The following TBC1D28 variants were observed in gnomAD, a reference collection of about 807,000 sequenced individuals.
The protein encoded by TBC1D28 is TBC1 domain family member 28.
TBC1D28 carries 20 observed loss-of-function variants against 29.2 expected under a neutral mutation model. The ratio of observed to expected loss-of-function variants is 0.68; its 90% CI spans 0.48 to 0.99. The LOEUF is 0.99. Ranked by LOEUF, TBC1D28 falls within the 50% of genes least tolerant of loss-of-function variation. The pLI is 0.00. For missense variants in TBC1D28, 205 were observed against 243.7 expected, an observed-to-expected ratio of 0.84 and a Z score of 1.06; for synonymous variants, 65 against 90.9, an observed-to-expected ratio of 0.71 and a Z score of 1.62.
At chr17:18,635,630 G>C (rs1444438508) in exon 9 of TBC1D28, 1 of 1,023,308 alleles carries the variant, frequency 9.8e-7, no homozygotes, top group Non-Finnish European at 1.2e-6. Context: ...AAGGCCTGAA[G>C]AAGACCATCT....
rs532950821 is a variant in TBC1D28 at position 18,638,757 on chromosome 17, C to T, written c.199-56G>A. 1.5e-4 allele frequency: 246 copies of T among 1,612,708 alleles called. No individual in the cohort carries two copies. The African/African-American group carries it at 2.6e-3, about 17-fold the overall frequency. The stretch of plus-strand genomic sequence containing the variant: ...AGCTGTCAGTCGTCTGACAGTGGCC[C>T]GTGGATGCTGGGTCCAGGGCTTTGG... On this transcript the variant is annotated intron_variant, in intron 5 of 8. Coordinates refer to ENST00000345096, the Ensembl canonical transcript of TBC1D28.
chr17:18,638,434 A>G lies in TBC1D28; in HGVS notation c.280-14T>C. Reference sequence around the variant, plus strand: ...TCTTTGAGACAGCTACAGACAGAAGAACACTCCAGTGAGAAAGGACATGGG... The same window carrying G: ...TCTTTGAGACAGCTACAGACAGAAGGACACTCCAGTGAGAAAGGACATGGG... On this transcript the variant is annotated splice_polypyrimidine_tract_variant and intron_variant, in intron 6 of 8. Transcript: ENST00000345096. 1 of 1,614,044 alleles carries G rather than the reference A, an allele frequency of 6.2e-7. No individual in the cohort carries two copies. The highest frequency in any genetic ancestry group is 8.5e-7 in the Non-Finnish European group (1 of 1,179,922).
downstream of TBC1D28, among the ~76,000 whole-genome samples, chr17:18,634,716 A>G (rs1322275951): frequency 2.6e-5 from 4 of 152,282 alleles, no homozygotes; most frequent in African/African-American, 9.6e-5. Context: ...AACAGCCCAG[A>G]GAGAAAGCAG....
At chr17:18,637,713 G>C in intron 8 of TBC1D28, 151 bp downstream of exon 9, 1 of 1,333,688 alleles carries the variant, frequency 7.5e-7, no homozygotes, top group Non-Finnish European at 1.0e-6. Context: ...GAGGTGCTCA[G>C]TCCATGGTGC....
chr17:18,640,461 G>A (rs1399752617), intron 4 of TBC1D28, among the ~76,000 whole-genome samples: 2 of 151,202 alleles, frequency 1.3e-5, no homozygotes, highest in Admixed American at 6.6e-5. Context: ...CACCACTCCC[G>A]GGGCCTTCAG....
At chr17:18,634,781 G>A (rs1356634435), downstream of TBC1D28, among the ~76,000 whole-genome samples, 1 of 152,172 alleles carries the variant, frequency 6.6e-6, no homozygotes, top group Non-Finnish European at 1.5e-5. Flanking sequence ...GGACCGGCCA[G>A]GCTGCCCGCC....
Position 18,638,154 on chromosome 17 carries a change from C to T in TBC1D28, c.387+159G>A, listed in dbSNP as rs2031589304. The T allele has an allele frequency of 5.4e-6, 7 of 1,296,464 alleles. No individual in the cohort carries two copies. In the South Asian group the frequency reaches 9.6e-5, roughly 18 times the overall value. 80.3% of individuals were successfully genotyped at this position (1,296,464 alleles called of 1,614,324 possible). A position where few individuals can be genotyped will look rare whatever the true frequency, so the allele number is the denominator to read the frequency against. On this transcript the variant is annotated intron_variant, in intron 7 of 8. Transcript: ENST00000345096. ...CAGGGAGGGTCAGCAGAGCCCAGCGCACCTGTGGTGCCTGAGTTACCATCT... is the reference window on the plus strand; with the variant it reads ...CAGGGAGGGTCAGCAGAGCCCAGCGTACCTGTGGTGCCTGAGTTACCATCT...
At chr17:18,638,923 G>A in intron 5 of TBC1D28, 1 of 761,228 alleles carries the variant, frequency 1.3e-6, no homozygotes, top group African/African-American at 1.8e-5. Context: ...CCCAAGTTTT[G>A]GTCAGGTCCA....
rs1377217775 is a variant in TBC1D28 at position 18,641,631 on chromosome 17, C to T, written c.-2+1G>A. On this transcript the variant is annotated splice_donor_variant, in intron 2 of 8. Transcript: ENST00000345096. LOFTEE classifies it low-confidence loss of function (5UTR_SPLICE). ...CCGAACACCCCAAGGCAGACACACA[C>T]CTGCCCTGGCAGGACAAACGGCGTC... 2.4e-5 allele frequency: 12 copies of T among 501,778 alleles called. No homozygotes were observed. The highest frequency in any genetic ancestry group is 6.0e-5 in the South Asian group (2 of 33,572). 31.1% of individuals were successfully genotyped at this position (501,778 alleles called of 1,614,324 possible).
At chr17:18,638,775 G>T in intron 5 of TBC1D28, 74 bp from the exon 7 acceptor site, 2 of 1,604,238 alleles carry the variant, frequency 1.2e-6, no homozygotes, top group Non-Finnish European at 1.7e-6. Flanking sequence ...CTGGGTCCAG[G>T]GCTTTGGGGC....
chr17:18,636,573 G>T (rs373183034), exon 9 of TBC1D28: 1 of 1,613,732 alleles, frequency 6.2e-7, no homozygotes, highest in African/African-American at 1.3e-5. Context: ...AATAGGCCAC[G>T]AGGATGTCAC....
intron 5 of TBC1D28, 60 bp from the exon 7 acceptor site, chr17:18,638,761 G>A (rs9908833): frequency 0.55 from 893,640 of 1,610,640 alleles, 253,952 homozygotes; most frequent in East Asian, 0.94. Context: ...GTGGCCCGTG[G>A]ATGCTGGGTC....
rs1042468778 is a variant in TBC1D28, at chr17:18,641,215, T to G, written c.75+63A>C. 5 of 1,502,908 alleles carry G rather than the reference T, an allele frequency of 3.3e-6. No individual in the cohort carries two copies. In the African/African-American group the frequency reaches 7.2e-5, roughly 22 times the overall value. The allele number at this position is 1,502,908 out of a possible 1,614,324, so 93.1% of individuals were successfully genotyped here. On this transcript the variant is annotated intron_variant, in intron 3 of 8. Coordinates refer to ENST00000345096, the Ensembl canonical transcript of TBC1D28. ...TGATCTTAGGAAGCCCAGGACCCTG[T>G]GACCAGGGCACAGCGGGAGAGGCGA...
intron 5 of TBC1D28, 179 bp downstream of exon 6, chr17:18,638,996 G>C: frequency 9.2e-7 from 1 of 1,090,636 alleles, no homozygotes; most frequent in Non-Finnish European, 1.3e-6. Context: ...ACAGTTCTTG[G>C]TTTGGGTTTT....
chr17:18,638,426 G>C lies in TBC1D28; in HGVS notation c.280-6C>G. 6.2e-7 allele frequency: 1 copy of C among 1,614,146 alleles called. No homozygotes were observed. The highest frequency in any genetic ancestry group is 8.5e-7 in the Non-Finnish European group (1 of 1,179,972). ...TTGCATACTCTTTGAGACAGCTACA[G>C]ACAGAAGAACACTCCAGTGAGAAAG... On this transcript the variant is annotated splice_region_variant and splice_polypyrimidine_tract_variant and intron_variant, in intron 6 of 8. Transcript: ENST00000345096.
exon 9 of TBC1D28, chr17:18,635,443 C>T: frequency 1.5e-6 from 1 of 688,408 alleles, no homozygotes; most frequent in Non-Finnish European, 1.8e-6. Flanking sequence ...ACAAACCCAA[C>T]ACCCGCAGGG....
chr17:18,641,334 G>C, exon 3 of TBC1D28: 2 of 1,613,886 alleles, frequency 1.2e-6, no homozygotes, highest in Non-Finnish European at 1.7e-6. Flanking sequence ...AGGTTATCCG[G>C]GTCCTCATCC....
At chr17:18,638,621 C>T (rs1239358244) in exon 6 of TBC1D28, 11 of 1,614,104 alleles carry the variant, frequency 6.8e-6, no homozygotes, top group Non-Finnish European at 9.3e-6. Context: ...CCCATGTTAC[C>T]TTCTTGGTGC....
chr17:18,643,067 T>C (rs1253986470), upstream of TBC1D28: 5 of 152,268 alleles, frequency 3.3e-5, no homozygotes, highest in African/African-American at 4.8e-5. Context: ...CCCACTTACA[T>C]GTGCACCCAA....
Sources: allele counts gnomAD v4.1 joint callset (sites outside exome capture counted in the v4.1 genomes callset), GRCh38; gene constraint gnomAD v4.1.1; transcripts MANE v1.5; gene names NCBI Gene and HGNC (gene_info 2026-07-23, HGNC 2026-07-21).